MMP16: variants seen among roughly 807,000 people sequenced by gnomAD.
The protein encoded by MMP16 is matrix metalloproteinase-16.
Under a neutral mutation model 67.8 loss-of-function variants are expected in MMP16, and 12 were observed. That is an observed-to-expected ratio of 0.18 (90% confidence interval 0.11 to 0.29). The LOEUF is 0.29. Among genes scored for constraint, MMP16 ranks in the 10% least tolerant of loss-of-function variants. The pLI, the probability that MMP16 is intolerant of heterozygous loss-of-function variation, is 1.00. For synonymous variants in MMP16, 249 were observed against 255.9 expected, an observed-to-expected ratio of 0.97 and a Z score of 0.26; for missense variants, 475 against 765.7, an observed-to-expected ratio of 0.62 and a Z score of 4.48.
At chr8:88,227,052 C>T (rs1158877907) in intron 1 of MMP16, among the ~76,000 whole-genome samples, 1 of 151,920 alleles carries the variant, frequency 6.6e-6, no homozygotes, top group Non-Finnish European at 1.5e-5. Context: ...GTGAGCAAAT[C>T]AGGCAACTGT....
At chr8:88,316,253 G>A (rs975990309) in intron 1 of MMP16, among the ~76,000 whole-genome samples, 12 of 152,228 alleles carry the variant, frequency 7.9e-5, no homozygotes, top group Non-Finnish European at 8.8e-5. Context: ...GGTGGGTACC[G>A]TAAACAAAAG....
At chr8:88,079,026 C>T (rs1003568135) in intron 6 of MMP16, among the ~76,000 whole-genome samples, 1 of 152,156 alleles carries the variant, frequency 6.6e-6, no homozygotes, top group Non-Finnish European at 1.5e-5. Context: ...TCTGCTTTGC[C>T]TCCTACTGCA....
intron 6 of MMP16, among the ~76,000 whole-genome samples, chr8:88,090,586 T>G (rs1808916681): frequency 6.6e-6 from 1 of 151,856 alleles, no homozygotes; most frequent in African/African-American, 2.4e-5. Flanking sequence ...TCATCTTTCC[T>G]CTGATTGGTG....
chr8:88,203,404 T>C (rs1361239702), intron 1 of MMP16, among the ~76,000 whole-genome samples: 2 of 152,066 alleles, frequency 1.3e-5, no homozygotes, highest in East Asian at 3.9e-4. Context: ...GCCCGGCCAA[T>C]ACCAGAACAT....
chr8:88,222,836 C>T (rs537503204), intron 1 of MMP16, among the ~76,000 whole-genome samples: 1 of 151,996 alleles, frequency 6.6e-6, no homozygotes, highest in Non-Finnish European at 1.5e-5. Flanking sequence ...AAAGCCAAAA[C>T]AGACAAATGG....
chr8:88,116,816 G>A, intron 5 of MMP16, 98 bp from the exon 6 acceptor site: 2 of 1,077,940 alleles, frequency 1.9e-6, no homozygotes, highest in Non-Finnish European at 2.8e-6. Context: ...AGAAGGCACA[G>A]ACTAACTGAA....
intron 4 of MMP16, among the ~76,000 whole-genome samples, chr8:88,123,564 A>T (rs1394576298): frequency 6.6e-6 from 1 of 151,918 alleles, no homozygotes; most frequent in African/African-American, 2.4e-5. Flanking sequence ...CTGAAAAAAT[A>T]ACATAAAATA....
In MMP16 at chr8:88,117,044, T is replaced by C. The variant is rs965273940; in HGVS notation, c.872-326A>G. On this transcript the variant is annotated intron_variant, in intron 5 of 9. Transcript: ENST00000286614. Reference sequence around the variant, plus strand: ...ATCTTTTTTGGAAGTAGGTGGTATATAAATAATAAATAAATGAAAAGGAAT... The same window carrying C: ...ATCTTTTTTGGAAGTAGGTGGTATACAAATAATAAATAAATGAAAAGGAAT... 2.4e-4 allele frequency among the ~76,000 whole-genome samples: 37 copies of C among 152,034 alleles called. 3 individuals carry two copies.
chr8:88,146,396 C>G (rs1198236566), intron 4 of MMP16, among the ~76,000 whole-genome samples: 1 of 151,944 alleles, frequency 6.6e-6, no homozygotes, highest in African/African-American at 2.4e-5. Flanking sequence ...TACTCTTCTA[C>G]CTCCCTCAAA....
intron 1 of MMP16, among the ~76,000 whole-genome samples, chr8:88,236,843 A>G (rs1161926965): frequency 1.1e-5 from 1 of 90,684 alleles, no homozygotes; most frequent in Non-Finnish European, 1.9e-5. Flanking sequence ...GCCACTGCTC[A>G]TCTCACCTGT....
intron 4 of MMP16, among the ~76,000 whole-genome samples, chr8:88,164,822 C>T (rs1229316091): frequency 6.6e-6 from 1 of 151,722 alleles, no homozygotes. Flanking sequence ...CGGAAGTAGA[C>T]TGATGAATAC....
intron 1 of MMP16, among the ~76,000 whole-genome samples, chr8:88,323,136 C>A (rs1811486043): frequency 6.6e-6 from 1 of 152,060 alleles, no homozygotes; most frequent in African/African-American, 2.4e-5. Flanking sequence ...AGGCATGGTA[C>A]CACCATTCTT....
chr8:88,167,610 C>G, intron 4 of MMP16, 59 bp downstream of exon 4: 1 of 1,457,770 alleles, frequency 6.9e-7, no homozygotes, highest in Non-Finnish European at 9.2e-7. Flanking sequence ...TGTTAAATCT[C>G]TTGGTTATTC....
intron 1 of MMP16, among the ~76,000 whole-genome samples, chr8:88,289,730 A>C (rs549886774): frequency 5.3e-5 from 6 of 112,774 alleles, no homozygotes; most frequent in East Asian, 5.2e-4. Context: ...ACACACACAC[A>C]CCCCACTCAT....
At position 88,178,921 on chromosome 8, in the gene MMP16, G is replaced by T. The variant is rs181671424; in HGVS notation, c.404+7555C>A. On this transcript the variant is annotated intron_variant, in intron 3 of 9. Coordinates refer to ENST00000286614, the MANE Select transcript of MMP16 (RefSeq NM_005941.5). ...CTCACAGAGTGTAATATTAGCTGTGGGTTTTTAGTAAATGCATTGAAGCAG... is the reference window on the plus strand; with the variant it reads ...CTCACAGAGTGTAATATTAGCTGTGTGTTTTTAGTAAATGCATTGAAGCAG... Among the ~76,000 whole-genome samples, 143 of 151,820 alleles carry T rather than the reference G, an allele frequency of 9.4e-4. 1 individual carries two copies. The highest frequency in any genetic ancestry group is 3.4e-3 in the African/African-American group (139 of 41,412).
At chr8:88,314,783 C>A (rs183741204) in intron 1 of MMP16, among the ~76,000 whole-genome samples, 1 of 152,162 alleles carries the variant, frequency 6.6e-6, no homozygotes, top group Non-Finnish European at 1.5e-5. Flanking sequence ...CAGGAAGACA[C>A]AGATCAGTTC....
At chr8:88,171,815 T>C (rs1808807940) in intron 3 of MMP16, among the ~76,000 whole-genome samples, 1 of 151,684 alleles carries the variant, frequency 6.6e-6, no homozygotes, top group Non-Finnish European at 1.5e-5. Context: ...ATGATGAATT[T>C]CAATGATATG....
intron 1 of MMP16, among the ~76,000 whole-genome samples, chr8:88,224,400 G>T (rs138863564): frequency 6.6e-6 from 1 of 152,042 alleles, no homozygotes; most frequent in African/African-American, 2.4e-5. Context: ...GGTAACTTTT[G>T]TCCATTAATA....
intron 3 of MMP16, among the ~76,000 whole-genome samples, chr8:88,180,682 T>C (rs1808965946): frequency 6.6e-6 from 1 of 152,064 alleles, no homozygotes; most frequent in African/African-American, 2.4e-5. Context: ...ACTATTATAA[T>C]TGGAGACTTC....
Sources: allele counts gnomAD v4.1 joint callset (sites outside exome capture counted in the v4.1 genomes callset), GRCh38; gene constraint gnomAD v4.1.1; transcripts MANE v1.5; gene names NCBI Gene and HGNC (gene_info 2026-07-23, HGNC 2026-07-21).